Variants in BIRC6 observed in about 807,000 individuals in gnomAD.
The protein encoded by BIRC6 is baculoviral IAP repeat containing 6, also known as dual E2 ubiquitin-conjugating enzyme/E3 ubiquitin-protein ligase BIRC6.
Under a neutral mutation model 503.3 loss-of-function variants are expected in BIRC6, and 98 were observed. The observed-to-expected ratio is 0.19, with a 90% confidence interval of 0.17 to 0.23. BIRC6 has a LOEUF of 0.23. BIRC6 is among the 10% of genes least tolerant of loss of function. BIRC6 has a pLI of 1.00. For missense variants in BIRC6, 5,360 were observed against 5,806.0 expected, an observed-to-expected ratio of 0.92 and a Z score of 2.50; for synonymous variants, 2,240 against 2,078.7, an observed-to-expected ratio of 1.08 and a Z score of -2.11.
chr2:32,369,628 T>G (rs2035486340), intron 1 of BIRC6, among the ~76,000 whole-genome samples: 1 of 151,484 alleles, frequency 6.6e-6, no homozygotes, highest in Non-Finnish European at 1.5e-5. Context: ...GGGTTTCACC[T>G]TATTGGCCAG....
intron 10 of BIRC6, among the ~76,000 whole-genome samples, chr2:32,418,823 C>G (rs2042643378): frequency 1.3e-5 from 2 of 152,042 alleles, no homozygotes; most frequent in Admixed American, 1.3e-4. Context: ...TGGTGCATAC[C>G]TGTAATCCCA....
chr2:32,522,419 G>C (rs1328803356), intron 57 of BIRC6: 3 of 151,944 alleles, frequency 2.0e-5, no homozygotes, highest in African/African-American at 7.3e-5. Context: ...TTTGTAAGTA[G>C]GATCAGAGCA....
intron 15 of BIRC6, 32 bp from the exon 16 acceptor site, chr2:32,439,476 G>A: frequency 6.3e-7 from 1 of 1,583,548 alleles, no homozygotes; most frequent in Admixed American, 1.8e-5. Context: ...TGGTGATTCA[G>A]TTATTTTCCC....
chr2:32,594,004 A>G lies in BIRC6; in HGVS notation c.13445A>G (p.Gln4482Arg), dbSNP rs532844747. The change falls in exon 67 of 74, where the codon CAA becomes CGA. Residue 4482 changes from glutamine to arginine, a missense_variant. Gln to Arg is a conservative substitution (Grantham distance 43). This residue lies in a region of BIRC6 where 477 missense variants were observed against 574.4 expected (regional missense o/e 0.83). Transcript: ENST00000421745. Reference sequence around the variant, plus strand: ...CTTACTCTTTTGGTACCAGACATCCAAAAGACTGCTGAGATAGTTTATGCA... The same window carrying G: ...CTTACTCTTTTGGTACCAGACATCCGAAAGACTGCTGAGATAGTTTATGCA... ...EGLTLLVPDIQKTAEIVYAAT... is the reference protein window; with the variant it reads ...EGLTLLVPDIRKTAEIVYAAT... The G allele has an allele frequency of 1.2e-5, 20 of 1,613,614 alleles. No individual in the cohort carries two copies. The African/African-American group carries it at 2.5e-4, about 20-fold the overall frequency.
At chr2:32,463,519 G>A (rs1170632298) in intron 24 of BIRC6, 138 bp downstream of exon 24, 1 of 784,964 alleles carries the variant, frequency 1.3e-6, no homozygotes, top group Non-Finnish European at 1.9e-6. Context: ...AAAAATTGAG[G>A]TAAAGTCTTT....
At chr2:32,583,177 G>A (rs1438110030) in intron 66 of BIRC6, among the ~76,000 whole-genome samples, 2 of 152,190 alleles carry the variant, frequency 1.3e-5, no homozygotes, top group African/African-American at 4.8e-5. Flanking sequence ...GTAACCTATT[G>A]ACACTGTAAG....
chr2:32,613,608 A>G (rs2063033437), intron 73 of BIRC6, among the ~76,000 whole-genome samples: 2 of 151,942 alleles, frequency 1.3e-5, no homozygotes, highest in African/African-American at 2.4e-5. Context: ...CTCGAACTCC[A>G]GGCTGGTCTT....
chr2:32,543,392 A>G lies in BIRC6; in HGVS notation c.12443A>G (p.Gln4148Arg). 1 of 1,614,036 alleles carries G rather than the reference A, an allele frequency of 6.2e-7. No individual in the cohort carries two copies. The highest frequency in any genetic ancestry group is 8.5e-7 in the Non-Finnish European group (1 of 1,179,888). ...AEPPPIKSAVQTMSPIPAHSL... is the reference protein window; with the variant it reads ...AEPPPIKSAVRTMSPIPAHSL... ...CCTCCACCTATCAAGTCAGCAGTAC[A>G]GACCATGTCTCCCATACCTGCCCAT... Residue 4148 changes from glutamine (Q) to arginine (R), a missense_variant, in exon 62 of 74, where the codon CAG (glutamine) becomes CGG (arginine). Physicochemically the swap from Gln to Arg is conservative, Grantham distance 43. Coordinates refer to ENST00000421745, the MANE Select transcript of BIRC6 (RefSeq NM_016252.4).
chr2:32,598,445 C>T (rs986140746), intron 69 of BIRC6, among the ~76,000 whole-genome samples: 2 of 152,056 alleles, frequency 1.3e-5, no homozygotes, highest in Admixed American at 6.6e-5. Context: ...AAAACTTAGT[C>T]ATTTTCTGTC....
intron 53 of BIRC6, among the ~76,000 whole-genome samples, chr2:32,512,459 C>T (rs2054545885): frequency 6.6e-6 from 1 of 151,976 alleles, no homozygotes; most frequent in African/African-American, 2.4e-5. Context: ...ATGACAGATA[C>T]CTGTATTTTT....
Position 32,377,622 on chromosome 2 carries a change from C to G in BIRC6, c.360C>G (p.Ile120Met), listed in dbSNP as rs1421338826. The change falls in exon 2 of 74, where the codon ATC becomes ATG. Residue 120 changes from isoleucine to methionine, a missense_variant. By Grantham distance (10) the Ile-to-Met change is conservative. Coordinates refer to ENST00000421745, the MANE Select transcript of BIRC6 (RefSeq NM_016252.4). ...GTGGACAGGTGAAATGTCAGTATAT[C>G]TCTGCTGTGGATAAAGTTATATTTG... ...KPGGQVKCQY[I>M]SAVDKVIFVD... The G allele has an allele frequency of 6.2e-6, 10 of 1,612,250 alleles. No homozygotes were observed. Among genetic ancestry groups the G allele is most frequent in the Non-Finnish European group, 6.8e-6 (8 of 1,179,308 alleles).
At chr2:32,494,625 G>T (rs13385788) in intron 45 of BIRC6, among the ~76,000 whole-genome samples, 5 of 151,742 alleles carry the variant, frequency 3.3e-5, no homozygotes, top group African/African-American at 1.2e-4. Flanking sequence ...AATAGGGCTG[G>T]GCTCAGTGGC....
At chr2:32,464,042 A>G (rs2048271680) in intron 24 of BIRC6, among the ~76,000 whole-genome samples, 1 of 152,100 alleles carries the variant, frequency 6.6e-6, no homozygotes, top group Non-Finnish European at 1.5e-5. Context: ...TCATCCCGAA[A>G]CCAGTCCCCT....
At position 32,429,218 on chromosome 2, in the gene BIRC6, G is replaced by A; in HGVS notation, c.2945G>A (p.Gly982Glu). Reference protein sequence around the residue: ...DIDEADILVDGSLSKGIEPSS... With the variant: ...DIDEADILVDESLSKGIEPSS... The stretch of plus-strand genomic sequence containing the variant: ...GATGAAGCTGATATACTAGTGGATG[G>A]ATCTCTTTCTAAAGGAATAGAACCA... The change falls in exon 11 of 74, where the codon GGA becomes GAA. Residue 982 changes from glycine (G) to glutamate (E), a missense_variant. Physicochemically the swap from Gly to Glu is moderately conservative, Grantham distance 98. Around this residue, in one of 16 missense-constraint regions of BIRC6, gnomAD observed 700 missense variants for 739.3 expected, o/e 0.95. Coordinates refer to ENST00000421745, the MANE Select transcript of BIRC6 (RefSeq NM_016252.4). 6.4e-7 allele frequency: 1 copy of A among 1,571,798 alleles called. No individual in the cohort carries two copies. Among genetic ancestry groups the A allele is most frequent in the Admixed American group, 1.9e-5 (1 of 53,666 alleles).
rs2045493380 is a variant in BIRC6, at chr2:32,442,048, A to G, written c.3945-17A>G. 3 of 1,505,728 alleles carry G rather than the reference A, an allele frequency of 2.0e-6. No individual in the cohort carries two copies. Among genetic ancestry groups the G allele is most frequent in the South Asian group, 1.4e-5 (1 of 70,662 alleles). The allele number at this position is 1,505,728 out of a possible 1,614,324, so 93.3% of individuals were successfully genotyped here. A position where few individuals can be genotyped will look rare whatever the true frequency, so the allele number is the denominator to read the frequency against. On this transcript the variant is annotated splice_polypyrimidine_tract_variant and intron_variant, in intron 17 of 73. Coordinates refer to ENST00000421745, the MANE Select transcript of BIRC6 (RefSeq NM_016252.4). ...CTGTTTTGTTTGGTAATGTGTTTAT[A>G]TTTTCTTTTTTTGTAGAGTGCAACG...
At chr2:32,609,305 G>GTGTGTGTGTA (rs1227682570) in intron 72 of BIRC6, among the ~76,000 whole-genome samples, 1 of 151,866 alleles carries the variant, frequency 6.6e-6, no homozygotes, top group East Asian at 1.9e-4. Flanking sequence ...GTGTGTGTGT[G>GTGTGTGTGTA]TGTGTGTAGC....
At position 32,519,062 on chromosome 2, in the gene BIRC6, A is replaced by T. The variant is rs2055361633; in HGVS notation, c.11623+116A>T. The stretch of plus-strand genomic sequence containing the variant: ...ACTTTGCAACCATTGATGACTAGGA[A>T]AGTTCAAGACATCTTTATAGTTTGA... On this transcript the variant is annotated intron_variant, in intron 57 of 73. Transcript: ENST00000421745. 5.9e-6 allele frequency: 6 copies of T among 1,014,454 alleles called. No individual in the cohort carries two copies. The South Asian group carries it at 1.0e-4, about 17-fold the overall frequency. 62.8% of individuals were successfully genotyped at this position (1,014,454 alleles called of 1,614,324 possible).
chr2:32,469,705 A>G lies in BIRC6; in HGVS notation c.6347+91A>G, dbSNP rs190826671. ...CTTTTGAAATCTTTGAAATGTGGATACTAAGTTGTGAATATGAAGCAGATC... is the reference window on the plus strand; with the variant it reads ...CTTTTGAAATCTTTGAAATGTGGATGCTAAGTTGTGAATATGAAGCAGATC... On this transcript the variant is annotated intron_variant, in intron 30 of 73. Transcript: ENST00000421745. 13 of 1,173,508 alleles carry G rather than the reference A, an allele frequency of 1.1e-5. No individual in the cohort carries two copies. The African/African-American group carries it at 1.4e-4, about 12-fold the overall frequency. 72.7% of individuals were successfully genotyped at this position (1,173,508 alleles called of 1,614,324 possible).
intron 5 of BIRC6, among the ~76,000 whole-genome samples, chr2:32,394,232 A>G (rs1479956720): frequency 6.6e-6 from 1 of 151,454 alleles, no homozygotes; most frequent in Non-Finnish European, 1.5e-5. Flanking sequence ...TAGGTTTCCT[A>G]GAATACTCTG....
Sources: gnomAD v4.1 joint callset for allele counts (sites outside exome capture counted in the v4.1 genomes callset) on GRCh38, gnomAD v4.1.1 for gene constraint, gnomAD v4.1.1 regional missense constraint, MANE v1.5 for transcripts, NCBI Gene and HGNC (gene_info 2026-07-23, HGNC 2026-07-21) for gene names.